The following SGSH variants were observed in gnomAD, a reference collection of about 807,000 sequenced individuals.
The protein encoded by SGSH is N-sulfoglucosamine sulfohydrolase.
A neutral mutation model predicts 51.0 loss-of-function variants in SGSH; 48 were observed. The observed-to-expected ratio is 0.94, with a 90% confidence interval of 0.75 to 1.20. The LOEUF is 1.20. Among genes scored for constraint, SGSH ranks in the 50% most tolerant of loss-of-function variants. The probability of loss-of-function intolerance (pLI) is 0.00; values close to 1 mark genes in which losing one functional copy is unlikely to be tolerated. For synonymous variants in SGSH, 321 were observed against 313.4 expected (o/e 1.02, Z -0.26); for missense variants, 662 against 717.8 (o/e 0.92, Z 0.89).
chr17:80,209,935 G>A lies in SGSH; in HGVS notation c.*517C>T. 1.0e-6 allele frequency: 1 copy of A among 999,910 alleles called. No individual in the cohort carries two copies. Among genetic ancestry groups the A allele is most frequent in the Non-Finnish European group, 1.2e-6 (1 of 837,108 alleles). The allele number at this position is 999,910 out of a possible 1,614,324, so 61.9% of individuals were successfully genotyped here. On this transcript the variant is annotated 3_prime_UTR_variant, in exon 8 of 8. Coordinates refer to ENST00000326317, the MANE Select transcript of SGSH (RefSeq NM_000199.5). ...AAGGCTTCCTCTAGGCCAGACGCTG[G>A]TAAGAGCCAGGCGCCGTGCTCCCAG...
chr17:80,201,497 C>T, the SGSH span: 1 of 525,826 alleles, frequency 1.9e-6, no homozygotes, highest in South Asian at 2.3e-5. The surrounding 1 kb of genome is among the most constrained non-coding windows in gnomAD (Gnocchi z 5.0). Flanking sequence ...CAAAGAACCC[C>T]CGATCTCGAC....
Position 80,210,485 on chromosome 17 carries a change from A to G in SGSH, c.1476T>C (p.Ser492=), listed in dbSNP as rs769228670. Reference sequence around the variant, plus strand: ...CATTGTGGAGGGGCTGGCACTGGGGAGAGAGCTTCTCCTCCAGGACGCCGT... The same window carrying G: ...CATTGTGGAGGGGCTGGCACTGGGGGGAGAGCTTCTCCTCCAGGACGCCGT... ...APDGVLEEKL[S]PQCQPLHNEL The change falls in exon 8 of 8, where the codon TCT becomes TCC. Residue 492 remains serine, a synonymous_variant. Transcript: ENST00000326317. 3.1e-6 allele frequency: 5 copies of G among 1,602,342 alleles called. No homozygotes were observed. Among genetic ancestry groups the G allele is most frequent in the Non-Finnish European group, 4.2e-6 (5 of 1,178,764 alleles).
intron 1 of SGSH, among the ~76,000 whole-genome samples, chr17:80,218,548 G>C (rs765709607): frequency 1.4e-4 from 21 of 152,184 alleles, no homozygotes; most frequent in Admixed American, 3.3e-4. Flanking sequence ...AGGAGGCTGG[G>C]CACCTTCCAG....
At chr17:80,204,555 C>T (rs2041171785), downstream of SGSH, 1 of 459,682 alleles carries the variant, frequency 2.2e-6, no homozygotes, top group Non-Finnish European at 3.9e-6. Flanking sequence ...ACCCGGGAGG[C>T]AGAGGTGGCA....
chr17:80,219,489 CTG>C (rs2042046895), intron 1 of SGSH, among the ~76,000 whole-genome samples: 1 of 152,250 alleles, frequency 6.6e-6, no homozygotes, highest in Admixed American at 6.5e-5. Flanking sequence ...AGATTCTCTG[CTG>C]TGTTTCTGGG....
chr17:80,218,763 G>A (rs556457624), intron 1 of SGSH, among the ~76,000 whole-genome samples: 4 of 152,348 alleles, frequency 2.6e-5, no homozygotes, highest in Non-Finnish European at 4.4e-5. Context: ...ATATGCTGAA[G>A]CCCTAACGTC....
rs2041579933 is a variant in SGSH at position 80,210,249 on chromosome 17, GCTGGGCACATGCT to G, written c.*190_*202del. 7.0e-7 allele frequency: 1 copy of G among 1,426,590 alleles called. No homozygotes were observed. The highest frequency in any genetic ancestry group is 1.4e-5 in the African/African-American group (1 of 69,558). The allele number at this position is 1,426,590 out of a possible 1,614,324, so 88.4% of individuals were successfully genotyped here. ...CGGCAGTGCCCCTGGTGGTGGAGGG[GCTGGGCACATGCT>G]CTGGTCACATGCTCTGGTCCCCCTC... On this transcript the variant is annotated 3_prime_UTR_variant, in exon 8 of 8. Transcript: ENST00000326317.
downstream of SGSH, chr17:80,205,669 G>T: frequency 6.5e-7 from 1 of 1,538,006 alleles, no homozygotes; most frequent in South Asian, 1.3e-5. Flanking sequence ...TCAAGGGCGG[G>T]GTGGGCAGGG....
chr17:80,216,340 G>A (rs923325092), intron 2 of SGSH, among the ~76,000 whole-genome samples: 1 of 151,684 alleles, frequency 6.6e-6, no homozygotes, highest in African/African-American at 2.4e-5. Context: ...AAAAAAAAAA[G>A]GACTAGTCCT....
rs150508741 is a variant in SGSH, at chr17:80,214,177, C to A, written c.658G>T (p.Val220Leu). The A allele has an allele frequency of 1.8e-4, 283 of 1,608,698 alleles. 1 individual carries two copies. In the African/African-American group the frequency reaches 3.3e-3, roughly 19 times the overall value. Residue 220 changes from valine (V) to leucine (L), a missense_variant, in exon 5 of 8, where the codon GTG becomes TTG. Transcript: ENST00000326317. ...CACAGGAGGGGCCGTCCTACCAGCA[C>A]GTCCAGTGGGTCGTAGGCCTGGGGG... ...WTPQAYDPLD[V>L]LVPYFVPNTP...
chr17:80,217,057 G>A lies in SGSH; in HGVS notation c.224C>T (p.Ala75Val), dbSNP rs1443853348. The change falls in exon 2 of 8, where the codon GCC becomes GTC. Residue 75 changes from alanine (A) to valine (V), a missense_variant. By Grantham distance (64) the Ala-to-Val change is moderately conservative. Coordinates refer to ENST00000326317, the MANE Select transcript of SGSH (RefSeq NM_000199.5). ...CTGGGGCAGGCCAGTGAGGAGGCTG[G>A]CGCGGCTGGGAGAGCAGCTGCTGAC... ...TSVSSCSPSR[A>V]SLLTGLPQHQ... 22 of 1,588,548 alleles carry A rather than the reference G, an allele frequency of 1.4e-5. No homozygotes were observed. Among genetic ancestry groups the A allele is most frequent in the Non-Finnish European group, 1.8e-5 (21 of 1,169,882 alleles).
chr17:80,218,658 C>T (rs1422602172), intron 1 of SGSH, among the ~76,000 whole-genome samples: 1 of 152,240 alleles, frequency 6.6e-6, no homozygotes, highest in Admixed American at 6.5e-5. Flanking sequence ...TCCGTACCCG[C>T]AGGCCAGGAA....
At chr17:80,207,890 C>T (rs575931842), downstream of SGSH, among the ~76,000 whole-genome samples, 12 of 152,042 alleles carry the variant, frequency 7.9e-5, no homozygotes, top group East Asian at 2.3e-3. Flanking sequence ...AAAAAAATTA[C>T]TTGGTTTCCT....
At chr17:80,204,177 G>A, downstream of SGSH, 2 of 1,521,228 alleles carry the variant, frequency 1.3e-6, no homozygotes, top group Non-Finnish European at 8.9e-7. Flanking sequence ...TCCCATTCCT[G>A]TTGATGGCTT....
In SGSH at chr17:80,215,947, T is replaced by C. The variant is rs984025992; in HGVS notation, c.250-809A>G. 2.0e-5 allele frequency among the ~76,000 whole-genome samples: 3 copies of C among 152,290 alleles called. No homozygotes were observed. The South Asian group carries it at 6.2e-4, about 32-fold the overall frequency. ...TACGGGGCCCATCCATCCACTGGAA[T>C]ATGAGTCAGCCCTGAAGAGGAGGGA... On this transcript the variant is annotated intron_variant, in intron 2 of 7. Transcript: ENST00000326317.
chr17:80,220,106 A>C (rs956077085), intron 1 of SGSH, 120 bp downstream of exon 1: 47 of 653,510 alleles, frequency 7.2e-5, no homozygotes, highest in Non-Finnish European at 1.1e-4. Context: ...AGGGAATGGC[A>C]GCGGGGGATA....
chr17:80,204,929 T>TGG, downstream of SGSH: 1 of 932,658 alleles, frequency 1.1e-6, no homozygotes, highest in African/African-American at 1.7e-5. Flanking sequence ...TTCTAGGTGC[T>TGG]GGGGCTGCTG....
At chr17:80,214,065 G>A (rs1396376794) in intron 5 of SGSH, 107 bp downstream of exon 5, 6 of 1,450,274 alleles carry the variant, frequency 4.1e-6, no homozygotes, top group Non-Finnish European at 5.7e-6. Flanking sequence ...GATTTGGTCA[G>A]AGCCTCTTTC....
intron 1 of SGSH, among the ~76,000 whole-genome samples, chr17:80,219,241 CATGTGAGGAAACA>C (rs925059841): frequency 4.6e-5 from 7 of 150,646 alleles, no homozygotes; most frequent in Non-Finnish European, 1.0e-4. Flanking sequence ...ATCCGCTTGT[CATGTGAGGAAACA>C]GTGAGAGGGT....
Sources: gnomAD v4.1 joint callset for allele counts (sites outside exome capture counted in the v4.1 genomes callset) on GRCh38, gnomAD v4.1.1 for gene constraint, Gnocchi (gnomAD v3.1) non-coding constraint, MANE v1.5 for transcripts, NCBI Gene and HGNC (gene_info 2026-07-23, HGNC 2026-07-21) for gene names.